Variants in CALN1 observed in about 807,000 individuals in gnomAD.
CALN1 encodes the protein calcium-binding protein 8.
A neutral mutation model predicts 30.6 loss-of-function variants in CALN1; 17 were observed. That is an observed-to-expected ratio of 0.56 (90% confidence interval 0.38 to 0.83). The LOEUF (loss-of-function observed/expected upper bound fraction) is 0.83. CALN1 is among the 40% of genes least tolerant of loss of function. The probability of loss-of-function intolerance (pLI) is 0.00; values close to 1 mark genes in which losing one functional copy is unlikely to be tolerated. For missense variants in CALN1, 291 were observed against 354.9 expected (o/e 0.82, Z 1.45); for synonymous variants, 156 against 131.4 (o/e 1.19, Z -1.28).
chr7:71,924,396 TTTAATATAATAC>T (rs1795150224), intron 5 of CALN1, among the ~76,000 whole-genome samples: 1 of 151,774 alleles, frequency 6.6e-6, no homozygotes, highest in East Asian at 1.9e-4. Flanking sequence ...CCTTTACATT[TTTAATATAATAC>T]TTAATATATA....
intron 5 of CALN1, among the ~76,000 whole-genome samples, chr7:71,893,072 C>T (rs537425604): frequency 6.6e-6 from 1 of 152,122 alleles, no homozygotes; most frequent in Admixed American, 6.5e-5. Context: ...TTTCCTTGTT[C>T]ATTACGTTAG....
chr7:72,073,003 T>C lies in CALN1; in HGVS notation c.388+33148A>G, dbSNP rs548134271. Among the ~76,000 whole-genome samples, 10 of 152,202 alleles carry C rather than the reference T, an allele frequency of 6.6e-5. No individual in the cohort carries two copies. The South Asian group carries it at 2.1e-3, about 32-fold the overall frequency. The stretch of plus-strand genomic sequence containing the variant: ...ATTCAGGAAATGATGGACAAAAAGC[T>C]TTAAGACACATGGGAAACAAATAGG... On this transcript the variant is annotated intron_variant, in intron 4 of 6. Transcript: ENST00000395275.
chr7:72,027,728 C>G (rs1562989192), intron 4 of CALN1, among the ~76,000 whole-genome samples: 2 of 49,888 alleles, frequency 4.0e-5, no homozygotes, highest in Non-Finnish European at 1.2e-4. Context: ...AACAAACAAA[C>G]ACACACACAC....
intron 2 of CALN1, among the ~76,000 whole-genome samples, chr7:72,336,279 G>T (rs577090169): frequency 1.3e-5 from 2 of 152,182 alleles, no homozygotes; most frequent in African/African-American, 4.8e-5. Flanking sequence ...CCTGGGCTGC[G>T]GTGCGGCTCC....
chr7:71,985,332 A>G (rs1285525753), intron 5 of CALN1, among the ~76,000 whole-genome samples: 1 of 152,148 alleles, frequency 6.6e-6, no homozygotes, highest in African/African-American at 2.4e-5. Flanking sequence ...TTGTGCATTG[A>G]AACAAAGCTC....
chr7:72,228,665 C>T (rs1048754945), intron 3 of CALN1, among the ~76,000 whole-genome samples: 2 of 151,676 alleles, frequency 1.3e-5, no homozygotes, highest in Non-Finnish European at 2.9e-5. Flanking sequence ...GTAAAGGTGA[C>T]GATGGAAAGA....
Position 71,971,979 on chromosome 7 carries a change from AAGAAAGAAAGAAAG to A in CALN1, c.501+51664_501+51677del, listed in dbSNP as rs1797854181. On this transcript the variant is annotated intron_variant, in intron 5 of 6. Transcript: ENST00000395275. ...AAAGAAAGAAAGAAAGAAAGAAAGA[AAGAAAGAAAGAAAG>A]AGAAAGAAAGAAAAAAAGAAAGAAA... 2.1e-5 allele frequency among the ~76,000 whole-genome samples: 3 copies of A among 142,554 alleles called. No homozygotes were observed. The South Asian group carries it at 6.6e-4, about 31-fold the overall frequency. The allele number at this position is 142,554 out of a possible 152,430, so 93.5% of individuals were successfully genotyped here.
intron 5 of CALN1, among the ~76,000 whole-genome samples, chr7:71,960,157 AT>A: frequency 6.8e-6 from 1 of 147,876 alleles, no homozygotes. Context: ...AAATAAATAA[AT>A]AAATAAATAA....
intron 5 of CALN1, among the ~76,000 whole-genome samples, chr7:71,897,392 G>T (rs181577365): frequency 1.4e-3 from 207 of 152,262 alleles, no homozygotes; most frequent in African/African-American, 4.7e-3. Flanking sequence ...AAGAGAGAAA[G>T]AAGGGGGATT....
At chr7:72,379,272 G>A (rs189718170) in intron 2 of CALN1, among the ~76,000 whole-genome samples, 20 of 152,202 alleles carry the variant, frequency 1.3e-4, no homozygotes, top group Admixed American at 4.6e-4. Flanking sequence ...TGGGATTAGA[G>A]GTGTGAAGCA....
At chr7:72,278,581 T>C in intron 3 of CALN1, 105 bp downstream of exon 3, 3 of 1,481,842 alleles carry the variant, frequency 2.0e-6, no homozygotes, top group South Asian at 1.2e-5. Context: ...TGGCCACAAC[T>C]GCCAAGGAGT....
intron 5 of CALN1, among the ~76,000 whole-genome samples, chr7:71,857,653 C>T (rs1369112162): frequency 1.3e-5 from 2 of 152,204 alleles, no homozygotes; most frequent in African/African-American, 2.4e-5. Flanking sequence ...AGCGCTGAGG[C>T]TGCAGAGGTG....
At chr7:71,832,767 A>ATT (rs140779066) in intron 5 of CALN1, among the ~76,000 whole-genome samples, 40 of 137,858 alleles carry the variant, frequency 2.9e-4, no homozygotes, top group African/African-American at 5.6e-4. Flanking sequence ...CGCCAGGCTA[A>ATT]TTTTTTTTTT....
chr7:71,790,393 AAAGAAAG>A (rs1793300092), intron 6 of CALN1, among the ~76,000 whole-genome samples: 1 of 108,788 alleles, frequency 9.2e-6, no homozygotes, highest in East Asian at 3.9e-4. Context: ...AGAAAGAAAG[AAAGAAAG>A]AAAGAAAGAA....
intron 5 of CALN1, among the ~76,000 whole-genome samples, chr7:71,915,380 T>G (rs1280301333): frequency 1.3e-5 from 2 of 152,230 alleles, no homozygotes; most frequent in East Asian, 3.9e-4. Flanking sequence ...CATCAGGCTC[T>G]GAAACCAAAT....
intron 5 of CALN1, among the ~76,000 whole-genome samples, chr7:71,878,330 A>G (rs1792368140): frequency 6.6e-6 from 1 of 151,990 alleles, no homozygotes. Context: ...TGAACCCAGG[A>G]GGCAGAGGTT....
chr7:72,021,851 C>G (rs998882883), intron 5 of CALN1, among the ~76,000 whole-genome samples: 1 of 152,152 alleles, frequency 6.6e-6, no homozygotes, highest in Non-Finnish European at 1.5e-5. Flanking sequence ...TGACCCTCAC[C>G]TTCTACTCAG....
chr7:72,322,681 G>A (rs564380990), intron 2 of CALN1, among the ~76,000 whole-genome samples: 77 of 152,178 alleles, frequency 5.1e-4, no homozygotes, highest in Non-Finnish European at 9.3e-4. Context: ...GTGGGGGAAT[G>A]TGGGGGATGT....
chr7:71,991,050 G>T (rs565630121), intron 5 of CALN1, among the ~76,000 whole-genome samples: 1 of 128,260 alleles, frequency 7.8e-6, no homozygotes, highest in Non-Finnish European at 1.7e-5. Context: ...AAACAGTGAG[G>T]GGGGGGGTCG....
Sources: gnomAD v4.1 joint callset for allele counts (sites outside exome capture counted in the v4.1 genomes callset) on GRCh38, gnomAD v4.1.1 for gene constraint, MANE v1.5 for transcripts, NCBI Gene and HGNC (gene_info 2026-07-23, HGNC 2026-07-21) for gene names.